FLT1: variants seen among roughly 807,000 people sequenced by gnomAD.
FLT1 encodes the protein fms related receptor tyrosine kinase 1.
In FLT1, 49 loss-of-function variants were observed where a neutral mutation model predicts 156.3. The ratio of observed to expected loss-of-function variants is 0.31; its 90% CI spans 0.25 to 0.40. The LOEUF (loss-of-function observed/expected upper bound fraction) is 0.40, where lower values mean the gene tolerates loss of function less well. Ranked by LOEUF, FLT1 falls within the 10% of genes least tolerant of loss-of-function variation. The pLI, the probability that FLT1 is intolerant of heterozygous loss-of-function variation, is 1.00. For missense variants in FLT1, 1,322 were observed against 1,637.2 expected (o/e 0.81, Z 3.32); for synonymous variants, 594 against 583.8 (o/e 1.02, Z -0.25).
chr13:28,304,032 T>C (rs1239027710), intron 29 of FLT1, among the ~76,000 whole-genome samples: 1 of 152,210 alleles, frequency 6.6e-6, no homozygotes, highest in Non-Finnish European at 1.5e-5. Flanking sequence ...AGCGCTGCTC[T>C]TGCCCTTTAA....
chr13:28,434,445 T>C (rs759016235), intron 4 of FLT1, among the ~76,000 whole-genome samples: 2 of 152,238 alleles, frequency 1.3e-5, no homozygotes, highest in African/African-American at 2.4e-5. Flanking sequence ...ATTATAGTAA[T>C]TATGATAATT....
At chr13:28,318,085 A>G (rs977129816) in intron 24 of FLT1, among the ~76,000 whole-genome samples, 2 of 151,992 alleles carry the variant, frequency 1.3e-5, no homozygotes, top group Non-Finnish European at 2.9e-5. Flanking sequence ...CAGCCTCCCG[A>G]GCAGCTGGGA....
intron 15 of FLT1, among the ~76,000 whole-genome samples, chr13:28,346,568 A>G (rs75521886): frequency 5.3e-5 from 8 of 150,554 alleles, no homozygotes; most frequent in Non-Finnish European, 5.9e-5. Flanking sequence ...AAAAAAAAAA[A>G]ATGTGGTAGC....
chr13:28,438,811 TGAG>T, intron 3 of FLT1, among the ~76,000 whole-genome samples: 1 of 152,296 alleles, frequency 6.6e-6, no homozygotes, highest in East Asian at 1.9e-4. Context: ...TCTAGCAAGT[TGAG>T]GAGAGGATTA....
At chr13:28,484,203 C>T (rs1236610918) in intron 1 of FLT1, among the ~76,000 whole-genome samples, 1 of 152,202 alleles carries the variant, frequency 6.6e-6, no homozygotes, top group African/African-American at 2.4e-5. Flanking sequence ...CAGGGTCAAA[C>T]ACACTTCCAG....
chr13:28,342,120 T>A (rs889645626), intron 16 of FLT1, among the ~76,000 whole-genome samples: 1 of 152,154 alleles, frequency 6.6e-6, no homozygotes, highest in Non-Finnish European at 1.5e-5. Context: ...TGACTTCAAA[T>A]GATCTGCCCG....
intron 10 of FLT1, among the ~76,000 whole-genome samples, chr13:28,421,961 A>G (rs759210995): frequency 1.3e-5 from 2 of 152,240 alleles, no homozygotes; most frequent in Non-Finnish European, 2.9e-5. Context: ...TTGATTCCCA[A>G]TTCTCTATCC....
chr13:28,386,364 C>G (rs922728655), intron 13 of FLT1: 4 of 1,006,714 alleles, frequency 4.0e-6, no homozygotes, highest in Non-Finnish European at 4.8e-6. Context: ...TATATCATGG[C>G]AGGGTTACTA....
rs759742291 is a variant in FLT1 at position 28,430,118 on chromosome 13, G to T, written c.1038C>A (p.Thr346=). 1 of 1,613,970 alleles carries T rather than the reference G, an allele frequency of 6.2e-7. No homozygotes were observed. Among genetic ancestry groups the T allele is most frequent in the Non-Finnish European group, 8.5e-7 (1 of 1,179,874 alleles). ...VKHRKQQVLE[T]VAGKRSYRLS... is the part of the protein sequence containing the mutation. ...GCCGGTAAGACCGCTTGCCAGCTAC[G>T]GTTTCAAGCACCTGCTGTTTTCGAT... The change falls in exon 8 of 30, where the codon ACC becomes ACA. Residue 346 remains threonine (T), a synonymous_variant. Transcript: ENST00000282397.
In FLT1 at chr13:28,327,511, T is replaced by C. The variant is rs779393208; in HGVS notation, c.2747A>G (p.Asn916Ser). ...TTTGCTCTTGAGGTAGTTGGAGAGA[T>C]TTCCATATTTGCAGTATTCAACAAT... ...MVIVEYCKYG[N>S]LSNYLKSKRD... The change falls in exon 20 of 30, where the codon AAT becomes AGT. Residue 916 changes from asparagine (N) to serine (S), a missense_variant. By Grantham distance (46) the Asn-to-Ser change is conservative. This residue lies in a region of FLT1 where 991 missense variants were observed against 1,254.8 expected (regional missense o/e 0.79). Coordinates refer to ENST00000282397, the MANE Select transcript of FLT1 (RefSeq NM_002019.4). 2.5e-6 allele frequency: 4 copies of C among 1,613,640 alleles called. No homozygotes were observed. The South Asian group carries it at 4.4e-5, about 18-fold the overall frequency.
chr13:28,410,987 C>T (rs776667311), intron 10 of FLT1, among the ~76,000 whole-genome samples: 29 of 152,192 alleles, frequency 1.9e-4, no homozygotes, highest in Middle Eastern at 3.4e-3. Flanking sequence ...AAGTCTGGCT[C>T]AGAGTCACCT....
chr13:28,432,329 C>T (rs749370976), intron 6 of FLT1, among the ~76,000 whole-genome samples: 61 of 152,176 alleles, frequency 4.0e-4, no homozygotes. Context: ...CAGACAGACA[C>T]ATGTTGAGGC....
rs200627038 is a variant in FLT1, at chr13:28,368,599, C to T, written c.2117-10914G>A. ...ATAGCTATGATGATGATGATGATGA[C>T]GATGATGATGATGATGACAATGGTG... On this transcript the variant is annotated intron_variant, in intron 14 of 29. Coordinates refer to ENST00000282397, the MANE Select transcript of FLT1 (RefSeq NM_002019.4). The T allele has an allele frequency of 1.5e-4, 214 of 1,432,748 alleles. 1 individual carries two copies. The highest frequency in any genetic ancestry group is 1.0e-3 in the Middle Eastern group (6 of 5,778). 88.8% of individuals were successfully genotyped at this position (1,432,748 alleles called of 1,614,324 possible).
At chr13:28,473,755 AAGGAAGGAAGGAAGGAAGGAAG>A (rs1390881910) in intron 1 of FLT1, among the ~76,000 whole-genome samples, 4 of 88,958 alleles carry the variant, frequency 4.5e-5, no homozygotes, top group African/African-American at 1.3e-4. Flanking sequence ...GGAAGGAAGG[AAGGAAGGAAGGAAGGAAGGAAG>A]GAAAGAAAGA....
rs1969806 is a variant in FLT1, at chr13:28,331,149, A to G, written c.2594-1421T>C. 9.3e-3 allele frequency among the ~76,000 whole-genome samples: 1,421 copies of G among 152,364 alleles called. 58 individuals carry two copies. Among genetic ancestry groups the G allele is most frequent in the Admixed American group, 0.062 (951 of 15,302 alleles). ...TGTGCACACATGCAAGTGTTTCTGTAGGACAGTGTCCTGGAAGTGGGTTAG... is the reference window on the plus strand; with the variant it reads ...TGTGCACACATGCAAGTGTTTCTGTGGGACAGTGTCCTGGAAGTGGGTTAG... On this transcript the variant is annotated intron_variant, in intron 18 of 29. Coordinates refer to ENST00000282397, the MANE Select transcript of FLT1 (RefSeq NM_002019.4).
intron 15 of FLT1, among the ~76,000 whole-genome samples, chr13:28,346,510 C>T (rs149385291): frequency 1.5e-4 from 23 of 151,634 alleles, no homozygotes; most frequent in Admixed American, 9.9e-4. Context: ...GCTGGAGCCC[C>T]GGAGTTTGAG....
chr13:28,372,705 A>C (rs1016541403), intron 14 of FLT1, among the ~76,000 whole-genome samples: 8 of 149,996 alleles, frequency 5.3e-5, no homozygotes, highest in African/African-American at 1.7e-4. Flanking sequence ...AACATGGTGA[A>C]ACCCCGTCTC....
At chr13:28,317,883 G>A (rs566814482) in intron 24 of FLT1, among the ~76,000 whole-genome samples, 20 of 152,298 alleles carry the variant, frequency 1.3e-4, no homozygotes, top group Non-Finnish European at 2.5e-4. Flanking sequence ...AAGGGGTGTC[G>A]TCTGAAGGGT....
chr13:28,379,438 G>A (rs1462679545), intron 14 of FLT1, among the ~76,000 whole-genome samples: 1 of 152,172 alleles, frequency 6.6e-6, no homozygotes, highest in Non-Finnish European at 1.5e-5. Flanking sequence ...ATGGCCCAGA[G>A]GACCGAAGGG....
Sources: gnomAD v4.1 joint callset for allele counts (sites outside exome capture counted in the v4.1 genomes callset) on GRCh38, gnomAD v4.1.1 for gene constraint, gnomAD v4.1.1 regional missense constraint, MANE v1.5 for transcripts, NCBI Gene and HGNC (gene_info 2026-07-23, HGNC 2026-07-21) for gene names.